MRPS6: variants seen among roughly 807,000 people sequenced by gnomAD.
The protein encoded by MRPS6 is mitochondrial ribosomal protein S6.
A neutral mutation model predicts 13.1 loss-of-function variants in MRPS6; 6 were observed. That is an observed-to-expected ratio of 0.46 (90% CI 0.25 to 0.91). MRPS6 has a LOEUF of 0.91. Among genes scored for constraint, MRPS6 ranks in the 40% least tolerant of loss-of-function variants. The pLI is 0.18. For missense variants in MRPS6, 164 were observed against 155.6 expected, an observed-to-expected ratio of 1.05 and a Z score of -0.29; for synonymous variants, 61 against 56.5, an observed-to-expected ratio of 1.08 and a Z score of -0.36.
intron 1 of MRPS6, among the ~76,000 whole-genome samples, chr21:34,088,749 T>C (rs1978527299): frequency 6.6e-6 from 1 of 152,222 alleles, no homozygotes; most frequent in Non-Finnish European, 1.5e-5. Flanking sequence ...GGCTTCAGTT[T>C]TCTCATCTGT....
At chr21:34,106,088 A>G (rs1189347140) in intron 1 of MRPS6, 2 of 999,018 alleles carry the variant, frequency 2.0e-6, no homozygotes, top group African/African-American at 1.7e-5. Flanking sequence ...ACTGTGTGTT[A>G]TTTTGCCAGC....
intron 1 of MRPS6, among the ~76,000 whole-genome samples, chr21:34,108,075 G>A (rs1435871806): frequency 6.6e-6 from 1 of 152,198 alleles, no homozygotes; most frequent in Non-Finnish European, 1.5e-5. Flanking sequence ...AAAAGTTTCT[G>A]TAGCCTAGTG....
intron 1 of MRPS6, chr21:34,100,636 C>T (rs902585491): frequency 2.0e-6 from 2 of 1,000,198 alleles, no homozygotes; most frequent in Non-Finnish European, 2.4e-6. Flanking sequence ...GGACCCATCA[C>T]TCTGTGAAAC....
At position 34,134,601 on chromosome 21, in the gene MRPS6, A is replaced by G. The variant is rs1203836869; in HGVS notation, c.186-7807A>G. On this transcript the variant is annotated intron_variant, in intron 2 of 2. Transcript: ENST00000399312. Reference sequence around the variant, plus strand: ...TCACAGAATCACCACGGTCAAGATAATAAACATATTTGTCACCCCTAAAAT... The same window carrying G: ...TCACAGAATCACCACGGTCAAGATAGTAAACATATTTGTCACCCCTAAAAT... 2.6e-5 allele frequency among the ~76,000 whole-genome samples: 4 copies of G among 152,342 alleles called. No individual in the cohort carries two copies. In the East Asian group the frequency reaches 7.7e-4, roughly 29 times the overall value.
intron 1 of MRPS6, chr21:34,124,393 T>C (rs1201486357): frequency 1.3e-5 from 2 of 152,220 alleles, no homozygotes; most frequent in Non-Finnish European, 2.9e-5. Context: ...CAAAAATTGC[T>C]TGTGTATACA....
Position 34,073,719 on chromosome 21 carries a change from G to T in MRPS6, c.19G>T (p.Ala7Ser). The T allele has an allele frequency of 6.5e-7, 1 of 1,528,242 alleles. No individual in the cohort carries two copies. The highest frequency in any genetic ancestry group is 8.8e-7 in the Non-Finnish European group (1 of 1,131,784). 94.7% of individuals were successfully genotyped at this position (1,528,242 alleles called of 1,614,324 possible). A position where few individuals can be genotyped will look rare whatever the true frequency, so the allele number is the denominator to read the frequency against. MPRYELALILKAMQRPE... is the reference protein window; with the variant it reads MPRYELSLILKAMQRPE... ...TCCAGGCATGCCCCGCTACGAGCTG[G>T]CTTTAATCCTGAAAGCCATGCAGCG... The change falls in exon 1 of 3, where the codon GCT (alanine) becomes TCT (serine). Residue 7 changes from alanine to serine, a missense_variant. By Grantham distance (99) the Ala-to-Ser change is moderately conservative. Coordinates refer to ENST00000399312, the MANE Select transcript of MRPS6 (RefSeq NM_032476.4).
At chr21:34,082,910 A>T (rs763456776) in intron 1 of MRPS6, among the ~76,000 whole-genome samples, 18 of 152,182 alleles carry the variant, frequency 1.2e-4, no homozygotes, top group Non-Finnish European at 2.1e-4. Context: ...ATTTCTGTCC[A>T]CTTTGGGCAT....
intron 1 of MRPS6, chr21:34,123,085 C>G (rs1980178044): frequency 6.6e-6 from 1 of 152,064 alleles, no homozygotes; most frequent in Non-Finnish European, 1.5e-5. Context: ...AATATATAAA[C>G]AACGATTCAG....
intron 2 of MRPS6, among the ~76,000 whole-genome samples, chr21:34,126,561 CATA>C (rs1237555282): frequency 1.3e-5 from 2 of 152,226 alleles, no homozygotes; most frequent in East Asian, 3.8e-4. Context: ...CTTCCACAGT[CATA>C]ATAACAATGA....
intron 1 of MRPS6, among the ~76,000 whole-genome samples, chr21:34,117,911 A>G (rs1979982885): frequency 1.3e-5 from 2 of 152,172 alleles, no homozygotes; most frequent in South Asian, 2.1e-4. Flanking sequence ...AGATGATTAT[A>G]TAAATACCAT....
Position 34,092,260 on chromosome 21 carries a change from A to T in MRPS6, c.45+18515A>T, listed in dbSNP as rs1359760690. 2.0e-5 allele frequency among the ~76,000 whole-genome samples: 3 copies of T among 152,172 alleles called. No individual in the cohort carries two copies. The East Asian group carries it at 5.8e-4, about 29-fold the overall frequency. ...TAGCTGCATTGCATTATAGTATTTT[A>T]TATATTTCTACAAACCAAATTGACC... On this transcript the variant is annotated intron_variant, in intron 1 of 2. Transcript: ENST00000399312.
chr21:34,097,498 C>A, intron 1 of MRPS6: 1 of 1,420,962 alleles, frequency 7.0e-7, no homozygotes, highest in Non-Finnish European at 9.2e-7. Flanking sequence ...CATCTAATTA[C>A]AAGACTTTAT....
intron 1 of MRPS6, among the ~76,000 whole-genome samples, chr21:34,115,364 C>G (rs1602951145): frequency 1.3e-5 from 2 of 152,186 alleles, no homozygotes; most frequent in African/African-American, 4.8e-5. Context: ...TTCCACATCC[C>G]TTGGCTTCAT....
At chr21:34,091,447 A>G (rs1419591380) in intron 1 of MRPS6, among the ~76,000 whole-genome samples, 1 of 152,182 alleles carries the variant, frequency 6.6e-6, no homozygotes, top group Non-Finnish European at 1.5e-5. Flanking sequence ...GATAAATTAT[A>G]TGGTCACCCA....
intron 1 of MRPS6, among the ~76,000 whole-genome samples, chr21:34,084,350 G>T (rs568524524): frequency 1.3e-5 from 2 of 151,964 alleles, no homozygotes; most frequent in Admixed American, 1.3e-4. Context: ...TCTAGAAACA[G>T]TTTTTTTCTA....
At chr21:34,137,013 T>A (rs1377609462) in intron 2 of MRPS6, among the ~76,000 whole-genome samples, 2 of 152,220 alleles carry the variant, frequency 1.3e-5, no homozygotes, top group African/African-American at 2.4e-5. Context: ...TGTACTCCAT[T>A]CTAGTCTTTT....
intron 1 of MRPS6, chr21:34,105,487 T>C (rs1008986296): frequency 2.0e-6 from 2 of 999,962 alleles, no homozygotes. Flanking sequence ...AATTTTGATA[T>C]GTAAGTATTA....
chr21:34,096,183 G>T lies in MRPS6; in HGVS notation c.45+22438G>T. 6.2e-7 allele frequency: 1 copy of T among 1,614,170 alleles called. No individual in the cohort carries two copies. Among genetic ancestry groups the T allele is most frequent in the Non-Finnish European group, 8.5e-7 (1 of 1,180,008 alleles). On this transcript the variant is annotated intron_variant, in intron 1 of 2. Coordinates refer to ENST00000399312, the MANE Select transcript of MRPS6 (RefSeq NM_032476.4). The surrounding 1 kb of genome is among the most constrained non-coding windows in gnomAD (Gnocchi z 5.9). ...CAGGATACTGTTTACTGATGATATA[G>T]CTTGCATCAACCCAGAGCACTGCAT...
intron 1 of MRPS6, chr21:34,105,727 C>T (rs1332222837): frequency 1.0e-6 from 1 of 997,906 alleles, no homozygotes; most frequent in East Asian, 1.1e-4. Context: ...TTCCAGTTTA[C>T]CTTCTGTTGT....
Sources: gnomAD v4.1 joint callset for allele counts (sites outside exome capture counted in the v4.1 genomes callset) on GRCh38, gnomAD v4.1.1 for gene constraint, Gnocchi (gnomAD v3.1) non-coding constraint, MANE v1.5 for transcripts, NCBI Gene and HGNC (gene_info 2026-07-23, HGNC 2026-07-21) for gene names.